The following PRKAG2 variants were observed in gnomAD, a reference collection of about 807,000 sequenced individuals.
The protein encoded by PRKAG2 is protein kinase AMP-activated non-catalytic subunit gamma 2.
PRKAG2 carries 26 observed loss-of-function variants against 69.6 expected under a neutral mutation model. The observed-to-expected ratio is 0.37, with a 90% CI of 0.27 to 0.52. The LOEUF (loss-of-function observed/expected upper bound fraction) is 0.52, where lower values mean the gene tolerates loss of function less well. Ranked by LOEUF, PRKAG2 falls within the 20% of genes least tolerant of loss-of-function variation. The pLI, the probability that PRKAG2 is intolerant of heterozygous loss-of-function variation, is 0.90. For missense variants in PRKAG2, 557 were observed against 740.0 expected (o/e 0.75, Z 2.87); for synonymous variants, 293 against 285.0 (o/e 1.03, Z -0.28).
At chr7:151,635,906 C>A (rs193069737) in intron 4 of PRKAG2, among the ~76,000 whole-genome samples, 1 of 146,144 alleles carries the variant, frequency 6.8e-6, no homozygotes, top group Non-Finnish European at 1.5e-5. Flanking sequence ...CTCGCTTTGT[C>A]CCCCAGGCTG....
At chr7:151,717,871 C>T (rs943065964) in intron 3 of PRKAG2, among the ~76,000 whole-genome samples, 3 of 152,226 alleles carry the variant, frequency 2.0e-5, no homozygotes, top group Non-Finnish European at 4.4e-5. Flanking sequence ...GAGAAAGGAG[C>T]TGGCCTTGAC....
rs140407635 is a variant in PRKAG2, at chr7:151,816,016, G to C, written c.115-29475C>G. 6.5e-3 allele frequency among the ~76,000 whole-genome samples: 988 copies of C among 152,330 alleles called. 12 individuals are homozygous for C. Among genetic ancestry groups the C allele is most frequent in the African/African-American group, 0.023 (950 of 41,570 alleles). ...TTGATGGCAACACAAGGTGGAAAAA[G>C]ATTAATGTGGATGACGTATTCAGGA... On this transcript the variant is annotated intron_variant, in intron 1 of 15. Transcript: ENST00000287878.
chr7:151,808,612 C>T (rs62478245), intron 1 of PRKAG2, among the ~76,000 whole-genome samples: 3,418 of 152,130 alleles, frequency 0.022, 43 homozygotes, highest in Middle Eastern at 0.041. Context: ...TGAGGCTATC[C>T]GCTGACATCT....
intron 1 of PRKAG2, among the ~76,000 whole-genome samples, chr7:151,816,840 C>T (rs1478198532): frequency 1.3e-5 from 2 of 152,164 alleles, no homozygotes; most frequent in Admixed American, 6.5e-5. Flanking sequence ...ACATACGAGC[C>T]TGAGGAAAAA....
In PRKAG2 at chr7:151,769,979, A is replaced by G. The variant is rs572060381; in HGVS notation, c.466+11173T>C. On this transcript the variant is annotated intron_variant, in intron 3 of 15. Transcript: ENST00000287878. ...AAAGAACCCCCTCTTGGCCACGGGG[A>G]CCCCAGAAAAACCTTAAAACTGAGT... Among the ~76,000 whole-genome samples, 1,089 of 152,268 alleles carry G rather than the reference A, an allele frequency of 7.2e-3. 9 individuals carry two copies. The highest frequency in any genetic ancestry group is 0.025 in the African/African-American group (1,045 of 41,550).
At chr7:151,865,124 T>C (rs1054097272) in intron 1 of PRKAG2, among the ~76,000 whole-genome samples, 1 of 152,246 alleles carries the variant, frequency 6.6e-6, no homozygotes, top group Non-Finnish European at 1.5e-5. Context: ...AGGCAGAGTC[T>C]GTCCCTCCAT....
At chr7:151,863,266 C>T (rs929400798) in intron 1 of PRKAG2, among the ~76,000 whole-genome samples, 12 of 151,932 alleles carry the variant, frequency 7.9e-5, no homozygotes, top group African/African-American at 2.4e-4. Flanking sequence ...TCCCCGGGTA[C>T]AGGGAGCACT....
chr7:151,715,526 T>C (rs1041008998), intron 3 of PRKAG2, among the ~76,000 whole-genome samples: 6 of 151,366 alleles, frequency 4.0e-5, no homozygotes, highest in African/African-American at 1.5e-4. Flanking sequence ...GCTAATTTTT[T>C]TGTATTTTTA....
chr7:151,565,921 G>T (rs768541510), intron 11 of PRKAG2, 36 bp from the exon 12 acceptor site: 2 of 1,586,152 alleles, frequency 1.3e-6, no homozygotes, highest in Admixed American at 3.3e-5. Context: ...TCTAGACCCA[G>T]AACACACTCT....
chr7:151,675,337 T>TA (rs763161549), intron 4 of PRKAG2, 83 bp downstream of exon 4: 2 of 1,362,940 alleles, frequency 1.5e-6, no homozygotes, highest in Admixed American at 1.9e-5. Context: ...CGGCTGCAGA[T>TA]AGACTGCTCA....
chr7:151,653,090 T>C (rs1361282951), intron 4 of PRKAG2, among the ~76,000 whole-genome samples: 1 of 148,670 alleles, frequency 6.7e-6, no homozygotes, highest in African/African-American at 2.6e-5. Context: ...CCTAGAATTG[T>C]GTGAGGTATC....
At chr7:151,613,617 C>G (rs1819397653) in intron 5 of PRKAG2, among the ~76,000 whole-genome samples, 1 of 151,732 alleles carries the variant, frequency 6.6e-6, no homozygotes, top group African/African-American at 2.4e-5. Flanking sequence ...CCTGACTCAG[C>G]CTCCCAAGCA....
At position 151,564,239 on chromosome 7, in the gene PRKAG2, G is replaced by C. The variant is rs1805717128; in HGVS notation, c.1438-15C>G. The C allele has an allele frequency of 6.2e-7, 1 of 1,613,760 alleles. No homozygotes were observed. Among genetic ancestry groups the C allele is most frequent in the Non-Finnish European group, 8.5e-7 (1 of 1,179,688 alleles). On this transcript the variant is annotated splice_polypyrimidine_tract_variant and intron_variant, in intron 13 of 15. Coordinates refer to ENST00000287878, the MANE Select transcript of PRKAG2 (RefSeq NM_016203.4). ...GCAGCAAGATTCTGTAATGAAGCAA[G>C]AGAATAAATTATATCCTTTCATTTC...
In PRKAG2 at chr7:151,720,162, A is replaced by T. The variant is rs74320259; in HGVS notation, c.467-44525T>A. The stretch of plus-strand genomic sequence containing the variant: ...CCCTTTCTTCTTTCTCTCCCTCCAG[A>T]TCATAAACCTACAAACTCCTCCAGT... On this transcript the variant is annotated intron_variant, in intron 3 of 15. Coordinates refer to ENST00000287878, the MANE Select transcript of PRKAG2 (RefSeq NM_016203.4). Among the ~76,000 whole-genome samples, 2,252 of 152,252 alleles carry T rather than the reference A, an allele frequency of 0.015. 97 individuals are homozygous for T. In the East Asian group the frequency reaches 0.17, roughly 12 times the overall value.
intron 5 of PRKAG2, among the ~76,000 whole-genome samples, chr7:151,617,479 T>C (rs1820460220): frequency 6.6e-6 from 1 of 152,150 alleles, no homozygotes; most frequent in Non-Finnish European, 1.5e-5. Context: ...CATTGAACCA[T>C]TCTCTCTACC....
intron 3 of PRKAG2, among the ~76,000 whole-genome samples, chr7:151,710,069 T>C (rs1254315626): frequency 2.0e-5 from 3 of 152,130 alleles, no homozygotes; most frequent in Non-Finnish European, 2.9e-5. Flanking sequence ...GAATAGAAAC[T>C]GCACTGGTGT....
rs1803772185 is a variant in PRKAG2, at chr7:151,556,211, T to C, written c.*990A>G. The C allele has an allele frequency of 6.6e-6, 1 of 150,930 alleles. No individual in the cohort carries two copies. The allele number at this position is 150,930 out of a possible 1,614,324, so 9.3% of individuals were successfully genotyped here. A position where few individuals can be genotyped will look rare whatever the true frequency, so the allele number is the denominator to read the frequency against. On this transcript the variant is annotated 3_prime_UTR_variant, in exon 16 of 16. Coordinates refer to ENST00000287878, the MANE Select transcript of PRKAG2 (RefSeq NM_016203.4). ...AAAACAAACTATCCTCATATATATA[T>C]ATACAGTGTCAACATTTTCAGAGCA...
intron 1 of PRKAG2, among the ~76,000 whole-genome samples, chr7:151,849,554 C>T (rs1324163774): frequency 6.6e-6 from 1 of 152,198 alleles, no homozygotes; most frequent in South Asian, 2.1e-4. Flanking sequence ...ACAACAGAAA[C>T]GGATTCTCTC....
At chr7:151,868,673 G>A (rs572336635) in intron 1 of PRKAG2, among the ~76,000 whole-genome samples, 14 of 152,332 alleles carry the variant, frequency 9.2e-5, no homozygotes, top group African/African-American at 3.1e-4. Flanking sequence ...TTGGCCGAAG[G>A]GAGGGCGGAG....
Sources: allele counts gnomAD v4.1 joint callset (sites outside exome capture counted in the v4.1 genomes callset), GRCh38; gene constraint gnomAD v4.1.1; transcripts MANE v1.5; gene names NCBI Gene and HGNC (gene_info 2026-07-23, HGNC 2026-07-21).